Variants in NEGR1 observed in about 807,000 individuals in gnomAD.
The protein encoded by NEGR1 is IgLON family member 4.
A neutral mutation model predicts 40.9 loss-of-function variants in NEGR1; 10 were observed. The ratio of observed to expected loss-of-function variants is 0.24; its 90% CI spans 0.15 to 0.42. The LOEUF (loss-of-function observed/expected upper bound fraction) is 0.42, where lower values mean the gene tolerates loss of function less well. Among genes scored for constraint, NEGR1 ranks in the 10% least tolerant of loss-of-function variants. The probability of loss-of-function intolerance (pLI) is 1.00; values close to 1 mark genes in which losing one functional copy is unlikely to be tolerated. For synonymous variants in NEGR1, 185 were observed against 166.8 expected, an observed-to-expected ratio of 1.11 and a Z score of -0.84; for missense variants, 352 against 438.9, an observed-to-expected ratio of 0.80 and a Z score of 1.77.
rs149085904 is a variant in NEGR1, at chr1:71,931,321, G to A, written c.409+3758C>T. Among the ~76,000 whole-genome samples, 530 of 152,278 alleles carry A rather than the reference G, an allele frequency of 3.5e-3. 6 individuals are homozygous for A. Among genetic ancestry groups the A allele is most frequent in the African/African-American group, 0.012 (508 of 41,562 alleles). On this transcript the variant is annotated intron_variant, in intron 2 of 6. Transcript: ENST00000357731. ...TATTTAATACACGCTATCTATGAGT[G>A]TCTAATTTGTGCTCTATACAATCTA...
chr1:71,473,480 A>C (rs1646796863), intron 6 of NEGR1, among the ~76,000 whole-genome samples: 1 of 152,144 alleles, frequency 6.6e-6, no homozygotes, highest in South Asian at 2.1e-4. Flanking sequence ...TAAAAGAGTT[A>C]ACACTATACC....
At chr1:71,931,763 A>G (rs1304191638) in intron 2 of NEGR1, among the ~76,000 whole-genome samples, 2 of 152,140 alleles carry the variant, frequency 1.3e-5, no homozygotes, top group Non-Finnish European at 2.9e-5. Flanking sequence ...CATTCTAACC[A>G]TAGCACAATT....
intron 2 of NEGR1, among the ~76,000 whole-genome samples, chr1:71,827,848 TA>T (rs1391899201): frequency 6.7e-6 from 1 of 150,354 alleles, no homozygotes; most frequent in Non-Finnish European, 1.5e-5. Flanking sequence ...TTGACCCAGA[TA>T]AAAAATACAA....
chr1:71,952,198 C>T (rs2768389), intron 1 of NEGR1, among the ~76,000 whole-genome samples: 5,560 of 152,020 alleles, frequency 0.037, 341 homozygotes, highest in African/African-American at 0.13. Flanking sequence ...AAAGACAAGA[C>T]AGGTTAAAAG....
intron 1 of NEGR1, among the ~76,000 whole-genome samples, chr1:72,201,660 G>A (rs1653215194): frequency 6.6e-6 from 1 of 151,476 alleles, no homozygotes; most frequent in Admixed American, 6.6e-5. Flanking sequence ...TTTCAAAGAT[G>A]TTAAAATGTG....
intron 1 of NEGR1, among the ~76,000 whole-genome samples, chr1:72,121,361 G>A (rs1036012757): frequency 7.2e-5 from 11 of 151,948 alleles, no homozygotes; most frequent in African/African-American, 2.2e-4. Flanking sequence ...TGGGATATTC[G>A]AACTTCTACT....
rs139565237 is a variant in NEGR1 at position 72,192,227 on chromosome 1, C to T, written c.176+90092G>A. On this transcript the variant is annotated intron_variant, in intron 1 of 6. Coordinates refer to ENST00000357731, the MANE Select transcript of NEGR1 (RefSeq NM_173808.3). ...GAGGGCACTTGTCCTCAGTCATGTGCGACAAGATGTATTAGCCATGAATGA... is the reference window on the plus strand; with the variant it reads ...GAGGGCACTTGTCCTCAGTCATGTGTGACAAGATGTATTAGCCATGAATGA... Among the ~76,000 whole-genome samples the T allele has an allele frequency of 9.1e-4, 138 of 151,762 alleles. 1 individual carries two copies. The highest frequency in any genetic ancestry group is 5.9e-5 in the Non-Finnish European group (4 of 67,882).
intron 1 of NEGR1, among the ~76,000 whole-genome samples, chr1:72,185,910 T>C (rs1652595862): frequency 1.3e-5 from 2 of 151,830 alleles, no homozygotes; most frequent in Non-Finnish European, 2.9e-5. Context: ...TATTCACCCA[T>C]ATAGGGGAAA....
At chr1:72,113,965 A>G (rs1231061250) in intron 1 of NEGR1, among the ~76,000 whole-genome samples, 1 of 151,686 alleles carries the variant, frequency 6.6e-6, no homozygotes, top group Admixed American at 6.6e-5. Context: ...CTACTTTTCT[A>G]TGTATAAACA....
At chr1:72,279,327 A>G (rs1656166475) in intron 1 of NEGR1, among the ~76,000 whole-genome samples, 1 of 152,144 alleles carries the variant, frequency 6.6e-6, no homozygotes, top group African/African-American at 2.4e-5. Flanking sequence ...TTGACCTTTA[A>G]ACTTCTGTTT....
At chr1:72,166,771 G>T (rs1328145305) in intron 1 of NEGR1, among the ~76,000 whole-genome samples, 1 of 152,018 alleles carries the variant, frequency 6.6e-6, no homozygotes, top group Admixed American at 6.6e-5. Flanking sequence ...GGGGAAGACG[G>T]ATGGATGTGT....
chr1:71,695,218 G>C (rs1653436929), intron 4 of NEGR1, among the ~76,000 whole-genome samples: 1 of 151,796 alleles, frequency 6.6e-6, no homozygotes, highest in African/African-American at 2.4e-5. Flanking sequence ...TATATGTGTG[G>C]CATCAGTATT....
intron 6 of NEGR1, among the ~76,000 whole-genome samples, chr1:71,582,528 T>C (rs954554434): frequency 6.6e-6 from 1 of 152,206 alleles, no homozygotes; most frequent in Admixed American, 6.5e-5. Context: ...TCTCATTAAT[T>C]TTCATTTCCT....
intron 3 of NEGR1, among the ~76,000 whole-genome samples, chr1:71,765,152 G>A (rs1656077903): frequency 6.6e-6 from 1 of 152,128 alleles, no homozygotes; most frequent in South Asian, 2.1e-4. Context: ...ACTGAAAACT[G>A]TGACACCTGC....
At chr1:72,019,124 AGGATT>A (rs1646735725) in intron 1 of NEGR1, among the ~76,000 whole-genome samples, 1 of 152,166 alleles carries the variant, frequency 6.6e-6, no homozygotes, top group Non-Finnish European at 1.5e-5. Flanking sequence ...GGATGATTCT[AGGATT>A]ATTAGGCTTA....
chr1:71,831,520 A>G (rs557583308), intron 2 of NEGR1, among the ~76,000 whole-genome samples: 122 of 152,104 alleles, frequency 8.0e-4, no homozygotes, highest in African/African-American at 2.8e-3. Flanking sequence ...ACCTACTGTG[A>G]GTCAAATACT....
At chr1:72,162,171 G>T (rs2100377190) in intron 1 of NEGR1, among the ~76,000 whole-genome samples, 1 of 152,046 alleles carries the variant, frequency 6.6e-6, no homozygotes, top group African/African-American at 2.4e-5. Context: ...CAACAAAAAG[G>T]CCAGGTGCAG....
intron 2 of NEGR1, among the ~76,000 whole-genome samples, chr1:71,907,498 T>C (rs1053569198): frequency 8.6e-5 from 13 of 151,786 alleles, no homozygotes; most frequent in Admixed American, 6.6e-5. Context: ...TACTAAAAAG[T>C]GAAAAAACAA....
At chr1:72,124,108 G>T (rs1649913996) in intron 1 of NEGR1, among the ~76,000 whole-genome samples, 1 of 152,002 alleles carries the variant, frequency 6.6e-6, no homozygotes, top group Non-Finnish European at 1.5e-5. Context: ...AGAAGCTGCT[G>T]GCTTGCTCAT....
Sources: allele counts gnomAD v4.1 joint callset (sites outside exome capture counted in the v4.1 genomes callset), GRCh38; gene constraint gnomAD v4.1.1; transcripts MANE v1.5; gene names NCBI Gene and HGNC (gene_info 2026-07-23, HGNC 2026-07-21).